The following OR4E1 variants were observed in gnomAD, a reference collection of about 807,000 sequenced individuals.
OR4E1 encodes olfactory receptor 4E1.
At chr14:21,671,432 T>G (rs1406908417) in intron 1 of OR4E1, among the ~76,000 whole-genome samples, 1 of 152,228 alleles carries the variant, frequency 6.6e-6, no homozygotes, top group Non-Finnish European at 1.5e-5. Flanking sequence ...GCTCAGCTGT[T>G]GGCTTTGCCA....
rs951812693 is a variant in OR4E1 at position 21,669,861 on chromosome 14, A to G, written c.*127T>C. ...ATTAATAACCATAACGATTGCTATGACTGTCAGATATTGGACCAAGGATAG... is the reference window on the plus strand; with the variant it reads ...ATTAATAACCATAACGATTGCTATGGCTGTCAGATATTGGACCAAGGATAG... On this transcript the variant is annotated 3_prime_UTR_variant, in exon 2 of 2. Coordinates refer to ENST00000641792, the MANE Select transcript of OR4E1 (RefSeq NM_001317107.2). 4 of 395,472 alleles carry G rather than the reference A, an allele frequency of 1.0e-5. No homozygotes were observed. The highest frequency in any genetic ancestry group is 6.2e-5 in the African/African-American group (3 of 48,562). The allele number at this position is 395,472 out of a possible 1,614,324, so 24.5% of individuals were successfully genotyped here. A position where few individuals can be genotyped will look rare whatever the true frequency, so the allele number is the denominator to read the frequency against.
At chr14:21,672,570 TG>T (rs1566594453) in intron 1 of OR4E1, among the ~76,000 whole-genome samples, 1 of 152,080 alleles carries the variant, frequency 6.6e-6, no homozygotes, top group Non-Finnish European at 1.5e-5. Flanking sequence ...GATTTACACT[TG>T]TTTTCATGGT....
intron 1 of OR4E1, among the ~76,000 whole-genome samples, chr14:21,672,001 G>A (rs985852949): frequency 2.6e-4 from 39 of 152,098 alleles, no homozygotes; most frequent in Admixed American, 2.2e-3. Context: ...TTCAGGCTTC[G>A]TCCGCTCTAC....
rs938920611 is a variant in OR4E1 at position 21,670,051 on chromosome 14, A to T, written c.885T>A (p.Asn295Lys). 6 of 398,388 alleles carry T rather than the reference A, an allele frequency of 1.5e-5. No individual in the cohort carries two copies. The highest frequency in any genetic ancestry group is 2.7e-5 in the Non-Finnish European group (6 of 226,096). 24.7% of individuals were successfully genotyped at this position (398,388 alleles called of 1,614,324 possible). A position where few individuals can be genotyped will look rare whatever the true frequency, so the allele number is the denominator to read the frequency against. ...TGTTTAAGGCACTCTTCATTTCTTCATTCCTAAGGGTATAGATAATGGGGT... is the reference window on the plus strand; with the variant it reads ...TGTTTAAGGCACTCTTCATTTCTTCTTTCCTAAGGGTATAGATAATGGGGT... ...LLNPIIYTLRNEEMKSALNKL... is the reference protein window; with the variant it reads ...LLNPIIYTLRKEEMKSALNKL... Residue 295 changes from asparagine to lysine, a missense_variant, in exon 2 of 2, where the codon AAT becomes AAA. By Grantham distance (94) the Asn-to-Lys change is moderately conservative. Transcript: ENST00000641792.
chr14:21,671,633 T>C (rs1880958558), intron 1 of OR4E1, among the ~76,000 whole-genome samples: 1 of 152,176 alleles, frequency 6.6e-6, no homozygotes, highest in Admixed American at 6.5e-5. Context: ...GAGGGCAGAC[T>C]TATTCTTAAA....
At position 21,670,468 on chromosome 14, in the gene OR4E1, C is replaced by T. The variant is rs1594555922; in HGVS notation, c.468G>A (p.Gly156=). The T allele has an allele frequency of 2.5e-6, 1 of 399,150 alleles. No individual in the cohort carries two copies. The highest frequency in any genetic ancestry group is 4.4e-6 in the Non-Finnish European group (1 of 226,448). The allele number at this position is 399,150 out of a possible 1,614,324, so 24.7% of individuals were successfully genotyped here. ...AGGTGAGGGCTATGGAGTGGATGGT[C>T]CCTCCTGTCCAGAGGGCCACAGCCA... ...VLLAVALWTG[G]TIHSIALTSL... Residue 156 remains glycine, a synonymous_variant, in exon 2 of 2, where the codon GGG becomes GGA. Transcript: ENST00000641792.
rs1260171996 is a variant in OR4E1, at chr14:21,670,160, A to T, written c.776T>A (p.Ile259Asn). 2.8e-5 allele frequency: 11 copies of T among 398,656 alleles called. No individual in the cohort carries two copies. In the South Asian group the frequency reaches 1.0e-3, roughly 37 times the overall value. 24.7% of individuals were successfully genotyped at this position (398,656 alleles called of 1,614,324 possible). A position where few individuals can be genotyped will look rare whatever the true frequency, so the allele number is the denominator to read the frequency against. ...TVVTLFLGHC[I>N]FIYSRPSTSL... ...GGTGGATGGGCGGGAATAGATGAAG[A>T]TGCAGTGTCCCAGGAACAGTGTAAC... Residue 259 changes from isoleucine (I) to asparagine (N), a missense_variant, in exon 2 of 2, where the codon ATC becomes AAC. Ile to Asn is a moderately radical substitution (Grantham distance 149, BLOSUM62 -3). Transcript: ENST00000641792.
At position 21,669,964 on chromosome 14, in the gene OR4E1, C is replaced by T. The variant is rs1004527556; in HGVS notation, c.*24G>A. On this transcript the variant is annotated 3_prime_UTR_variant, in exon 2 of 2. Transcript: ENST00000641792. The stretch of plus-strand genomic sequence containing the variant: ...GGCGCTTCTTTAATTTGGAGCACCA[C>T]GTATCCTAAGGACGTAGACATTTTC... The T allele has an allele frequency of 5.0e-6, 2 of 398,340 alleles. No individual in the cohort carries two copies. The highest frequency in any genetic ancestry group is 8.8e-6 in the Non-Finnish European group (2 of 226,058). 24.7% of individuals were successfully genotyped at this position (398,340 alleles called of 1,614,324 possible). A position where few individuals can be genotyped will look rare whatever the true frequency, so the allele number is the denominator to read the frequency against.
Position 21,669,302 on chromosome 14 carries a change from G to A in OR4E1, c.*686C>T, listed in dbSNP as rs1406957928. The A allele has an allele frequency of 6.6e-6, 1 of 152,108 alleles. No homozygotes were observed. The highest frequency in any genetic ancestry group is 2.4e-5 in the African/African-American group (1 of 41,408). The allele number at this position is 152,108 out of a possible 1,614,324, so 9.4% of individuals were successfully genotyped here. ...AGGACTACATGTATGTCTTATTTAT[G>A]GCTATAAACCTAGTATCTGGTACAT... On this transcript the variant is annotated 3_prime_UTR_variant, in exon 2 of 2. Coordinates refer to ENST00000641792, the MANE Select transcript of OR4E1 (RefSeq NM_001317107.2).
intron 1 of OR4E1, among the ~76,000 whole-genome samples, chr14:21,672,042 T>C (rs1880983349): frequency 6.6e-6 from 1 of 152,176 alleles, no homozygotes. Flanking sequence ...TTGTGGTAGT[T>C]GGTAGAATCA....
rs1204977059 is a variant in OR4E1, at chr14:21,669,174, C to G, written c.*814G>C. On this transcript the variant is annotated 3_prime_UTR_variant, in exon 2 of 2. Transcript: ENST00000641792. ...AGCAAGTCTCTTCCATACTCTCTAA[C>G]AGCACCCTGCTGTTTTATAGCATTT... 3.3e-5 allele frequency: 5 copies of G among 152,236 alleles called. No individual in the cohort carries two copies. Among genetic ancestry groups the G allele is most frequent in the African/African-American group, 1.2e-4 (5 of 41,448 alleles). 9.4% of individuals were successfully genotyped at this position (152,236 alleles called of 1,614,324 possible). A position where few individuals can be genotyped will look rare whatever the true frequency, so the allele number is the denominator to read the frequency against.
Position 21,669,955 on chromosome 14 carries a change from G to C in OR4E1, c.*33C>G, listed in dbSNP as rs1880840950. The C allele has an allele frequency of 2.5e-6, 1 of 398,108 alleles. No individual in the cohort carries two copies. The highest frequency in any genetic ancestry group is 4.4e-5 in the Admixed American group (1 of 22,700). 24.7% of individuals were successfully genotyped at this position (398,108 alleles called of 1,614,324 possible). On this transcript the variant is annotated 3_prime_UTR_variant, in exon 2 of 2. Transcript: ENST00000641792. ...TCTTTGCAAGGCGCTTCTTTAATTT[G>C]GAGCACCACGTATCCTAAGGACGTA...
At position 21,669,689 on chromosome 14, in the gene OR4E1, C is replaced by T. The variant is rs1880827540; in HGVS notation, c.*299G>A. 2.8e-5 allele frequency: 5 copies of T among 181,508 alleles called. No homozygotes were observed. The Admixed American group carries it at 3.1e-4, about 11-fold the overall frequency. 11.2% of individuals were successfully genotyped at this position (181,508 alleles called of 1,614,324 possible). ...ATTCACATGCTGCCTTCATTGTTTT[C>T]TAGCTGAGTGACTTTGGGCATGTTA... On this transcript the variant is annotated 3_prime_UTR_variant, in exon 2 of 2. Coordinates refer to ENST00000641792, the MANE Select transcript of OR4E1 (RefSeq NM_001317107.2).
In OR4E1 at chr14:21,670,521, C is replaced by T. The variant is rs1316878171; in HGVS notation, c.415G>A (p.Val139Met). ...AICKPLQYMI[V>M]MNWKVCVLLA... ...AGCACACATACCTTCCAGTTCATCA[C>T]TATCATGTACTGCAGGGGTTTACAG... is the stretch of plus-strand genomic sequence containing the variant. The change falls in exon 2 of 2, where the codon GTG (valine) becomes ATG (methionine). Residue 139 changes from valine to methionine, a missense_variant. Transcript: ENST00000641792. 7.5e-6 allele frequency: 3 copies of T among 400,118 alleles called. No individual in the cohort carries two copies. Among genetic ancestry groups the T allele is most frequent in the Non-Finnish European group, 1.3e-5 (3 of 226,530 alleles). 24.8% of individuals were successfully genotyped at this position (400,118 alleles called of 1,614,324 possible). A position where few individuals can be genotyped will look rare whatever the true frequency, so the allele number is the denominator to read the frequency against.
At chr14:21,671,958 C>G (rs1455951571) in intron 1 of OR4E1, among the ~76,000 whole-genome samples, 1 of 152,058 alleles carries the variant, frequency 6.6e-6, no homozygotes, top group African/African-American at 2.4e-5. Flanking sequence ...GGAGTCACAG[C>G]TGGGTCTAGA....
In OR4E1 at chr14:21,670,673, T is replaced by A; in HGVS notation, c.263A>T (p.Asp88Val). The A allele has an allele frequency of 2.5e-6, 1 of 401,468 alleles. No individual in the cohort carries two copies. Among genetic ancestry groups the A allele is most frequent in the Non-Finnish European group, 4.4e-6 (1 of 226,296 alleles). The allele number at this position is 401,468 out of a possible 1,614,324, so 24.9% of individuals were successfully genotyped here. A position where few individuals can be genotyped will look rare whatever the true frequency, so the allele number is the denominator to read the frequency against. ...GATGAGCTTTTCCTCTGACCACACG[T>A]CTCTCAGCATCTTGGGGACAGTGAC... The part of the protein sequence containing the change: ...STVTVPKMLR[D>V]VWSEEKLISF... Residue 88 changes from aspartate to valine, a missense_variant, in exon 2 of 2, where the codon GAC becomes GTC. Physicochemically the swap from Asp to Val is radical, Grantham distance 152. Transcript: ENST00000641792.
At position 21,670,821 on chromosome 14, in the gene OR4E1, A is replaced by C; in HGVS notation, c.115T>G (p.Tyr39Asp). Residue 39 changes from tyrosine to aspartate, a missense_variant, in exon 2 of 2, where the codon TAT becomes GAT. Coordinates refer to ENST00000641792, the MANE Select transcript of OR4E1 (RefSeq NM_001317107.2). ...ACATTCCCAATCAGTGTCAGGACATAAAAAATGAGGAACATGGAAAACATA... is the reference window on the plus strand; with the variant it reads ...ACATTCCCAATCAGTGTCAGGACATCAAAAATGAGGAACATGGAAAACATA... ...IAMFSMFLIF[Y>D]VLTLIGNVLI... 2.5e-6 allele frequency: 1 copy of C among 399,556 alleles called. No homozygotes were observed. The allele number at this position is 399,556 out of a possible 1,614,324, so 24.8% of individuals were successfully genotyped here.
At position 21,668,923 on chromosome 14, in the gene OR4E1, A is replaced by G. The variant is rs1018893401; in HGVS notation, c.*1065T>C. On this transcript the variant is annotated 3_prime_UTR_variant, in exon 2 of 2. Coordinates refer to ENST00000641792, the MANE Select transcript of OR4E1 (RefSeq NM_001317107.2). ...TCTAAACTTCTTGAGAGAATATGGA[A>G]AGATTCTTTTTAGCTCTCTGATATC... The G allele has an allele frequency of 6.6e-6, 1 of 152,212 alleles. No homozygotes were observed. The highest frequency in any genetic ancestry group is 2.4e-5 in the African/African-American group (1 of 41,460). 9.4% of individuals were successfully genotyped at this position (152,212 alleles called of 1,614,324 possible). A position where few individuals can be genotyped will look rare whatever the true frequency, so the allele number is the denominator to read the frequency against.
intron 1 of OR4E1, among the ~76,000 whole-genome samples, chr14:21,671,862 G>T (rs186797308): frequency 6.6e-6 from 1 of 152,212 alleles, no homozygotes; most frequent in Admixed American, 6.5e-5. Flanking sequence ...CTTGAGAGTT[G>T]ACATAATCTA....
Sources: allele counts gnomAD v4.1 joint callset (sites outside exome capture counted in the v4.1 genomes callset), GRCh38; gene constraint gnomAD v4.1.1; transcripts MANE v1.5; gene names NCBI Gene and HGNC (gene_info 2026-07-23, HGNC 2026-07-21).